SPEF2: variants seen among roughly 807,000 people sequenced by gnomAD.
The protein encoded by SPEF2 is sperm flagellar and cilia associated 2, also known as sperm flagella and cilia-associated protein 2.
Under a neutral mutation model 224.6 loss-of-function variants are expected in SPEF2, and 187 were observed. The ratio of observed to expected loss-of-function variants is 0.83; its 90% CI spans 0.74 to 0.94. The LOEUF (loss-of-function observed/expected upper bound fraction) is 0.94, where lower values mean the gene tolerates loss of function less well. Ranked by LOEUF, SPEF2 falls within the 40% of genes least tolerant of loss-of-function variation. The probability of loss-of-function intolerance (pLI) is 0.00; values close to 1 mark genes in which losing one functional copy is unlikely to be tolerated. For synonymous variants in SPEF2, 715 were observed against 707.3 expected (o/e 1.01, Z -0.17); for missense variants, 2,170 against 2,135.6 (o/e 1.02, Z -0.32).
chr5:35,644,108 A>G (rs187201661), intron 3 of SPEF2, among the ~76,000 whole-genome samples: 5 of 152,306 alleles, frequency 3.3e-5, no homozygotes, highest in Non-Finnish European at 7.4e-5. Flanking sequence ...AACTCAGTGT[A>G]AAAAGTTTAA....
Position 35,790,550 on chromosome 5 carries a change from T to C in SPEF2, c.4448-1790T>C, listed in dbSNP as rs559850039. The C allele has an allele frequency of 2.7e-4, 108 of 399,836 alleles. 1 individual carries two copies. The South Asian group carries it at 0.011, about 42-fold the overall frequency. 24.8% of individuals were successfully genotyped at this position (399,836 alleles called of 1,614,324 possible). The stretch of plus-strand genomic sequence containing the variant: ...AACATACAGAGTAAAAAGCCCAAGA[T>C]TGTTTCTTCTATAGCTTTCTAACTT... On this transcript the variant is annotated intron_variant, in intron 30 of 36. Coordinates refer to ENST00000356031, the MANE Select transcript of SPEF2 (RefSeq NM_024867.4).
chr5:35,735,344 T>C (rs1394399778), intron 21 of SPEF2, among the ~76,000 whole-genome samples: 2 of 152,330 alleles, frequency 1.3e-5, no homozygotes, highest in Non-Finnish European at 2.9e-5. Context: ...ATGTTACCAG[T>C]CTTCAAATAT....
chr5:35,740,389 A>G (rs1747409682), intron 23 of SPEF2, 122 bp downstream of exon 23: 7 of 1,281,344 alleles, frequency 5.5e-6, no homozygotes, highest in Non-Finnish European at 7.5e-6. Flanking sequence ...AATGGTTTGA[A>G]CTATTAACCA....
At chr5:35,694,989 A>G (rs150831246) in intron 13 of SPEF2, among the ~76,000 whole-genome samples, 3 of 152,286 alleles carry the variant, frequency 2.0e-5, no homozygotes, top group African/African-American at 7.2e-5. Context: ...GTCTTATTAA[A>G]TAGCTTCCTC....
intron 1 of SPEF2, among the ~76,000 whole-genome samples, chr5:35,625,153 T>TAA (rs1744061180): frequency 6.6e-6 from 1 of 152,228 alleles, no homozygotes; most frequent in East Asian, 1.9e-4. Flanking sequence ...CTGAAGTGTC[T>TAA]TATGCATAAA....
rs942329704 is a variant in SPEF2, at chr5:35,659,095, T to C, written c.1055T>C (p.Leu352Pro). 2 of 1,613,202 alleles carry C rather than the reference T, an allele frequency of 1.2e-6. No homozygotes were observed. Among genetic ancestry groups the C allele is most frequent in the African/African-American group, 2.7e-5 (2 of 74,878 alleles). Residue 352 changes from leucine to proline, a missense_variant, in exon 8 of 37, where the codon CTC becomes CCC. Coordinates refer to ENST00000356031, the MANE Select transcript of SPEF2 (RefSeq NM_024867.4). ...CAGGAGCGCAGGATTGCCGTGCAGCTCATGCATGTTCGGCATGAAAAGGAA... is the reference window on the plus strand; with the variant it reads ...CAGGAGCGCAGGATTGCCGTGCAGCCCATGCATGTTCGGCATGAAAAGGAA... ...SQQERRIAVQ[L>P]MHVRHEKEVL... is the part of the protein sequence containing the mutation.
At chr5:35,632,962 G>T (rs1745338797) in intron 2 of SPEF2, 1 of 151,986 alleles carries the variant, frequency 6.6e-6, no homozygotes, top group Non-Finnish European at 1.5e-5. Flanking sequence ...TTTTTTTGGT[G>T]GGAAGTTTTC....
chr5:35,809,607 G>A (rs896173136), intron 36 of SPEF2, among the ~76,000 whole-genome samples: 11 of 152,144 alleles, frequency 7.2e-5, no homozygotes, highest in African/African-American at 2.7e-4. Flanking sequence ...AATAGCCTGG[G>A]AAAGGTATAA....
chr5:35,695,301 C>T (rs1373722464), intron 13 of SPEF2, among the ~76,000 whole-genome samples: 3 of 149,856 alleles, frequency 2.0e-5, no homozygotes, highest in Non-Finnish European at 4.4e-5. Flanking sequence ...ACTTAAAACA[C>T]CTCTGACTTC....
At chr5:35,671,684 A>G (rs1751234907) in intron 10 of SPEF2, 1 of 257,030 alleles carries the variant, frequency 3.9e-6, no homozygotes, top group Middle Eastern at 1.9e-3. Flanking sequence ...AGCTTAGCAA[A>G]GATTTTTGTC....
chr5:35,667,750 A>T (rs186606931), intron 9 of SPEF2, among the ~76,000 whole-genome samples: 201 of 152,290 alleles, frequency 1.3e-3, no homozygotes, highest in African/African-American at 4.6e-3. Context: ...ATAGGAGAAG[A>T]TATTTCAAAC....
chr5:35,617,995 A>C lies in SPEF2; in HGVS notation c.-3A>C. 5.1e-6 allele frequency: 8 copies of C among 1,578,692 alleles called. No homozygotes were observed. Among genetic ancestry groups the C allele is most frequent in the Non-Finnish European group, 6.0e-6 (7 of 1,159,460 alleles). ...GCCTGCGGTCTGAGGCACCGGCTGA[A>C]CCATGTCGGAGATCCTGTGCCAGTG... is the stretch of plus-strand genomic sequence containing the variant. On this transcript the variant is annotated 5_prime_UTR_variant, in exon 1 of 37. Coordinates refer to ENST00000356031, the MANE Select transcript of SPEF2 (RefSeq NM_024867.4).
rs760945774 is a variant in SPEF2, at chr5:35,792,451, G to A, written c.4554+5G>A. 4.3e-6 allele frequency: 7 copies of A among 1,611,988 alleles called. No homozygotes were observed. Among genetic ancestry groups the A allele is most frequent in the Middle Eastern group, 1.7e-4 (1 of 6,056 alleles). On this transcript the variant is annotated splice_donor_5th_base_variant and intron_variant, in intron 31 of 36. Transcript: ENST00000356031. ...ATGCACCTTACCCAACCTGAAGTAAGCTTCTATGTTGTTTGAGTTGTAAAG... is the reference window on the plus strand; with the variant it reads ...ATGCACCTTACCCAACCTGAAGTAAACTTCTATGTTGTTTGAGTTGTAAAG...
At chr5:35,702,809 G>T (rs969343763) in intron 16 of SPEF2, among the ~76,000 whole-genome samples, 3 of 152,152 alleles carry the variant, frequency 2.0e-5, no homozygotes, top group Non-Finnish European at 4.4e-5. Flanking sequence ...ACAAGTTTTT[G>T]TTGAGTATAA....
At chr5:35,634,825 A>G (rs904902755) in intron 2 of SPEF2, among the ~76,000 whole-genome samples, 5 of 152,056 alleles carry the variant, frequency 3.3e-5, no homozygotes, top group African/African-American at 1.2e-4. Context: ...GTTACAATTA[A>G]TGAGCCAATA....
chr5:35,808,853 AAT>A (rs898349374), intron 36 of SPEF2, among the ~76,000 whole-genome samples: 11 of 147,688 alleles, frequency 7.4e-5, no homozygotes, highest in Non-Finnish European at 4.5e-5. Flanking sequence ...ATATTTTTTA[AAT>A]ATATATGTAA....
Position 35,712,886 on chromosome 5 carries a change from G to A in SPEF2, c.2914G>A (p.Gly972Ser). 6.2e-7 allele frequency: 1 copy of A among 1,612,560 alleles called. No homozygotes were observed. The highest frequency in any genetic ancestry group is 8.5e-7 in the Non-Finnish European group (1 of 1,179,380). ...KKGETALKRK[G>S]SPKGKSSGGK... ...AGGTGAGACCGCACTCAAAAGAAAA[G>A]GTACAGCAGATAAAAATATATATAA... Residue 972 changes from glycine to serine, a missense_variant and splice_region_variant, in exon 20 of 37, where the codon GGT (glycine) becomes AGT (serine). Physicochemically the swap from Gly to Ser is moderately conservative, Grantham distance 56 (BLOSUM62 0). Transcript: ENST00000356031.
At chr5:35,789,471 A>T (rs1274570855) in intron 30 of SPEF2, 7 of 662,648 alleles carry the variant, frequency 1.1e-5, no homozygotes, top group Non-Finnish European at 1.9e-5. Context: ...GTTAGTTGTT[A>T]TTTGGGTGAT....
intron 20 of SPEF2, among the ~76,000 whole-genome samples, chr5:35,716,912 C>T (rs985339128): frequency 6.6e-6 from 1 of 152,068 alleles, no homozygotes. Context: ...TTATATTCTT[C>T]TCTGCATATT....
Sources: gnomAD v4.1 joint callset for allele counts (sites outside exome capture counted in the v4.1 genomes callset) on GRCh38, gnomAD v4.1.1 for gene constraint, MANE v1.5 for transcripts, NCBI Gene and HGNC (gene_info 2026-07-23, HGNC 2026-07-21) for gene names.